Variants in CBFB observed in about 807,000 individuals in gnomAD.
CBFB encodes the protein core-binding factor subunit beta.
Under a neutral mutation model 30.4 loss-of-function variants are expected in CBFB, and 9 were observed. The observed-to-expected ratio is 0.30, with a 90% CI of 0.18 to 0.52. CBFB has a LOEUF of 0.52. Among genes scored for constraint, CBFB ranks in the 20% least tolerant of loss-of-function variants. The probability of loss-of-function intolerance (pLI) is 0.97; values close to 1 mark genes in which losing one functional copy is unlikely to be tolerated. For synonymous variants in CBFB, 94 were observed against 84.0 expected, an observed-to-expected ratio of 1.12 and a Z score of -0.65; for missense variants, 170 against 244.0, an observed-to-expected ratio of 0.70 and a Z score of 2.02.
In CBFB at chr16:67,029,363, G is replaced by T; in HGVS notation, c.-45G>T. The T allele has an allele frequency of 1.4e-6, 2 of 1,411,568 alleles. No homozygotes were observed. Among genetic ancestry groups the T allele is most frequent in the South Asian group, 1.4e-5 (1 of 71,738 alleles). The allele number at this position is 1,411,568 out of a possible 1,614,324, so 87.4% of individuals were successfully genotyped here. On this transcript the variant is annotated 5_prime_UTR_variant, in exon 1 of 6. Transcript: ENST00000412916. ...GCGGAGCCAGCCAGCGGGTGCCCGC[G>T]CAAGCCCCGAGCGCGGCCGGCCGGC...
intron 3 of CBFB, among the ~76,000 whole-genome samples, chr16:67,055,360 T>TC (rs1268214236): frequency 1.8e-5 from 2 of 110,000 alleles, no homozygotes; most frequent in African/African-American, 1.1e-4. Context: ...ACACTTTCTT[T>TC]TTTTTTTTTT....
intron 4 of CBFB, among the ~76,000 whole-genome samples, chr16:67,068,525 G>A (rs1359560311): frequency 1.3e-5 from 2 of 152,124 alleles, no homozygotes; most frequent in South Asian, 2.1e-4. Flanking sequence ...ATCAGAGGCT[G>A]TGCACTGCTG....
At chr16:67,086,840 G>A (rs781320668) in intron 5 of CBFB, among the ~76,000 whole-genome samples, 3 of 152,136 alleles carry the variant, frequency 2.0e-5, no homozygotes, top group Non-Finnish European at 4.4e-5. Flanking sequence ...ACAGATCATT[G>A]CAGTGTACTT....
At chr16:67,054,594 TCTA>T (rs1217058944) in intron 3 of CBFB, among the ~76,000 whole-genome samples, 2 of 152,166 alleles carry the variant, frequency 1.3e-5, no homozygotes, top group African/African-American at 4.8e-5. Context: ...TTCTGGAACA[TCTA>T]CTATTTGGAT....
intron 3 of CBFB, among the ~76,000 whole-genome samples, chr16:67,044,282 AG>A (rs1966583997): frequency 6.6e-6 from 1 of 152,196 alleles, no homozygotes; most frequent in Admixed American, 6.6e-5. Flanking sequence ...ATTTCATAAA[AG>A]GAAAAAAATG....
intron 3 of CBFB, among the ~76,000 whole-genome samples, chr16:67,042,617 G>C (rs1015661211): frequency 6.6e-6 from 1 of 152,186 alleles, no homozygotes; most frequent in Non-Finnish European, 1.5e-5. Flanking sequence ...CTTTTGCCTG[G>C]GACTGTGCAG....
intron 5 of CBFB, among the ~76,000 whole-genome samples, chr16:67,092,698 C>CTCTT (rs1961925973): frequency 1.2e-4 from 4 of 33,528 alleles, no homozygotes; most frequent in African/African-American, 4.6e-4. Flanking sequence ...GTGGTGCAAT[C>CTCTT]TTTTTTTTTT....
intron 4 of CBFB, among the ~76,000 whole-genome samples, chr16:67,076,559 A>G (rs1356523899): frequency 6.6e-6 from 1 of 152,224 alleles, no homozygotes; most frequent in African/African-American, 2.4e-5. Flanking sequence ...TAGGAAAGCC[A>G]TAAGTAGTAT....
Position 67,038,865 on chromosome 16 carries a change from C to T in CBFB, c.282+2110C>T, listed in dbSNP as rs74385915. 3.0e-3 allele frequency among the ~76,000 whole-genome samples: 462 copies of T among 152,146 alleles called. 3 individuals carry two copies. Among genetic ancestry groups the T allele is most frequent in the African/African-American group, 9.6e-3 (400 of 41,520 alleles). ...ACATCTCAGTGTTACTGAAGTCTTCCGGTATTTAATAACTAGTAAATGGGT... is the reference window on the plus strand; with the variant it reads ...ACATCTCAGTGTTACTGAAGTCTTCTGGTATTTAATAACTAGTAAATGGGT... On this transcript the variant is annotated intron_variant, in intron 3 of 5. Coordinates refer to ENST00000412916, the MANE Select transcript of CBFB (RefSeq NM_022845.3).
At chr16:67,083,189 A>G (rs1336282703) in intron 5 of CBFB, among the ~76,000 whole-genome samples, 2 of 152,168 alleles carry the variant, frequency 1.3e-5, no homozygotes, top group East Asian at 3.8e-4. Context: ...TAGGAAATAA[A>G]TAAATAATAC....
chr16:67,057,172 G>A (rs564413396), intron 3 of CBFB, among the ~76,000 whole-genome samples: 4 of 151,864 alleles, frequency 2.6e-5, no homozygotes, highest in East Asian at 3.9e-4. Flanking sequence ...TAGTAGAGAC[G>A]GGGTTTCACC....
At chr16:67,035,144 A>G (rs1007888182) in intron 2 of CBFB, among the ~76,000 whole-genome samples, 1 of 151,978 alleles carries the variant, frequency 6.6e-6, no homozygotes, top group Non-Finnish European at 1.5e-5. Context: ...CAGTGGTGCA[A>G]TCTCGGCTGA....
intron 4 of CBFB, among the ~76,000 whole-genome samples, chr16:67,078,986 T>C (rs1961482243): frequency 6.6e-6 from 1 of 152,172 alleles, no homozygotes; most frequent in Non-Finnish European, 1.5e-5. Context: ...CATCGGCAGA[T>C]GTGTCCCAGT....
chr16:67,071,303 C>T (rs899138423), intron 4 of CBFB, among the ~76,000 whole-genome samples: 3 of 152,116 alleles, frequency 2.0e-5, no homozygotes, highest in Admixed American at 6.6e-5. Context: ...GCCCTACTCC[C>T]GTTGTTACTG....
At chr16:67,029,564 G>A in intron 1 of CBFB, 79 bp downstream of exon 1, 4 of 1,436,732 alleles carry the variant, frequency 2.8e-6, no homozygotes, top group Non-Finnish European at 2.8e-6. Context: ...TGGGCGGCAC[G>A]GTCCCCGGGA....
intron 5 of CBFB, among the ~76,000 whole-genome samples, chr16:67,085,002 C>G (rs570391438): frequency 3.9e-5 from 6 of 152,234 alleles, no homozygotes; most frequent in African/African-American, 1.4e-4. Flanking sequence ...AGCGTATGTG[C>G]CACTGACTAG....
At chr16:67,042,769 G>T (rs1966553564) in intron 3 of CBFB, among the ~76,000 whole-genome samples, 1 of 151,950 alleles carries the variant, frequency 6.6e-6, no homozygotes, top group Non-Finnish European at 1.5e-5. Context: ...ACGGGGTCTT[G>T]CTCTGTCATC....
intron 4 of CBFB, among the ~76,000 whole-genome samples, chr16:67,077,547 G>A (rs568717901): frequency 6.6e-6 from 1 of 152,230 alleles, no homozygotes; most frequent in East Asian, 1.9e-4. Context: ...TGCTTCTTCA[G>A]CAGATTTATT....
chr16:67,067,284 A>T (rs1961088370), intron 4 of CBFB, among the ~76,000 whole-genome samples: 1 of 151,366 alleles, frequency 6.6e-6, no homozygotes, highest in South Asian at 2.1e-4. Flanking sequence ...GCTGAGGCAG[A>T]CGGATCACCT....
Sources: gnomAD v4.1 joint callset for allele counts (sites outside exome capture counted in the v4.1 genomes callset) on GRCh38, gnomAD v4.1.1 for gene constraint, MANE v1.5 for transcripts, NCBI Gene and HGNC (gene_info 2026-07-23, HGNC 2026-07-21) for gene names.